The following GALNT17 variants were observed in gnomAD, a reference collection of about 807,000 sequenced individuals.
GALNT17 encodes UDP-GalNAc:polypeptide N-acetylgalactosaminyltransferase-like 3.
Under a neutral mutation model 63.7 loss-of-function variants are expected in GALNT17, and 29 were observed. The observed-to-expected ratio is 0.46, with a 90% confidence interval of 0.34 to 0.62. The LOEUF (loss-of-function observed/expected upper bound fraction) is 0.62. GALNT17 is among the 20% of genes least tolerant of loss of function. GALNT17 has a pLI of 0.01. For synonymous variants in GALNT17, 305 were observed against 318.3 expected, an observed-to-expected ratio of 0.96 and a Z score of 0.45; for missense variants, 603 against 799.6, an observed-to-expected ratio of 0.75 and a Z score of 2.97.
chr7:71,267,267 T>G (rs1439227849), intron 1 of GALNT17, among the ~76,000 whole-genome samples: 1 of 152,236 alleles, frequency 6.6e-6, no homozygotes, highest in East Asian at 1.9e-4. Flanking sequence ...GCTGCGCAAT[T>G]GGCTATTGCC....
At chr7:71,194,391 A>T (rs1351512159) in intron 1 of GALNT17, among the ~76,000 whole-genome samples, 1 of 152,132 alleles carries the variant, frequency 6.6e-6, no homozygotes, top group African/African-American at 2.4e-5. Flanking sequence ...CCTACCTGGG[A>T]AAAGGGTATA....
intron 2 of GALNT17, among the ~76,000 whole-genome samples, chr7:71,363,630 CA>C (rs1163658017): frequency 6.6e-6 from 1 of 152,202 alleles, no homozygotes; most frequent in African/African-American, 2.4e-5. Context: ...TCCCTTCCAG[CA>C]GTTAAGTAAC....
intron 2 of GALNT17, among the ~76,000 whole-genome samples, chr7:71,344,650 G>A (rs190787533): frequency 3.1e-4 from 47 of 152,230 alleles, no homozygotes; most frequent in Non-Finnish European, 5.9e-4. Flanking sequence ...ATTAAGTCAT[G>A]GTTACCAACG....
intron 2 of GALNT17, among the ~76,000 whole-genome samples, chr7:71,349,416 AC>A (rs1422166446): frequency 6.6e-6 from 1 of 152,156 alleles, no homozygotes; most frequent in Non-Finnish European, 1.5e-5. Context: ...AATTCCGATC[AC>A]CCAACAGAAC....
At chr7:71,425,491 G>A (rs1265499815) in intron 5 of GALNT17, among the ~76,000 whole-genome samples, 15 of 152,192 alleles carry the variant, frequency 9.9e-5, no homozygotes, top group African/African-American at 3.4e-4. Context: ...CAAAGTGCTA[G>A]GATTACAGGC....
intron 1 of GALNT17, among the ~76,000 whole-genome samples, chr7:71,221,777 T>G (rs1353899988): frequency 6.6e-6 from 1 of 152,174 alleles, no homozygotes; most frequent in East Asian, 1.9e-4. Context: ...GTTTTAGACT[T>G]GCAGGAAAGT....
At chr7:71,253,602 A>T (rs1790239714) in intron 1 of GALNT17, among the ~76,000 whole-genome samples, 2 of 151,530 alleles carry the variant, frequency 1.3e-5, no homozygotes, top group South Asian at 4.2e-4. Flanking sequence ...CTTTGGAAAA[A>T]CCATGAATCA....
At chr7:71,358,197 C>T (rs1034275638) in intron 2 of GALNT17, among the ~76,000 whole-genome samples, 2 of 152,104 alleles carry the variant, frequency 1.3e-5, no homozygotes, top group Non-Finnish European at 2.9e-5. Flanking sequence ...AGCCCACAGG[C>T]GGGAACCAAC....
chr7:71,360,748 C>A (rs112077232), intron 2 of GALNT17, among the ~76,000 whole-genome samples: 2,970 of 152,152 alleles, frequency 0.02, 78 homozygotes, highest in African/African-American at 0.068. Flanking sequence ...GCCTGGCCAA[C>A]GTGGCAAAAC....
chr7:71,472,609 C>T (rs1787651253), intron 5 of GALNT17, among the ~76,000 whole-genome samples: 1 of 152,158 alleles, frequency 6.6e-6, no homozygotes, highest in Non-Finnish European at 1.5e-5. Flanking sequence ...TTGCTGGAAC[C>T]CAGGAGGCAG....
At chr7:71,632,517 C>G (rs1790466851) in intron 6 of GALNT17, among the ~76,000 whole-genome samples, 1 of 152,144 alleles carries the variant, frequency 6.6e-6, no homozygotes, top group Non-Finnish European at 1.5e-5. Context: ...TATCTACGAC[C>G]AAGCTCAAAA....
chr7:71,137,480 C>T (rs1787808557), intron 1 of GALNT17, among the ~76,000 whole-genome samples: 2 of 152,240 alleles, frequency 1.3e-5, no homozygotes, highest in South Asian at 4.1e-4. Flanking sequence ...CAGCACACCA[C>T]AGCCCCTTGC....
chr7:71,502,579 T>G (rs1006568593), intron 5 of GALNT17, among the ~76,000 whole-genome samples: 4 of 152,150 alleles, frequency 2.6e-5, no homozygotes, highest in African/African-American at 9.7e-5. Flanking sequence ...AAAGCCACCA[T>G]GCTGGGAAGA....
chr7:71,265,746 C>T (rs530627258), intron 1 of GALNT17, among the ~76,000 whole-genome samples: 6 of 152,106 alleles, frequency 3.9e-5, no homozygotes, highest in South Asian at 2.1e-4. Context: ...TGGGTGGAGG[C>T]GTGGTGGGAG....
At chr7:71,592,566 A>AAATAAAATAC (rs1344538385) in intron 6 of GALNT17, among the ~76,000 whole-genome samples, 1 of 75,700 alleles carries the variant, frequency 1.3e-5, no homozygotes, top group Non-Finnish European at 2.9e-5. Context: ...TAGCATACTA[A>AAATAAAATAC]AATAAAATAA....
chr7:71,259,493 A>C (rs1220364632), intron 1 of GALNT17, among the ~76,000 whole-genome samples: 1 of 152,146 alleles, frequency 6.6e-6, no homozygotes, highest in Non-Finnish European at 1.5e-5. Context: ...TTGGAAACGA[A>C]GCACTGGTCC....
At chr7:71,679,422 CTTCA>C (rs908032576) in intron 9 of GALNT17, among the ~76,000 whole-genome samples, 4 of 152,186 alleles carry the variant, frequency 2.6e-5, no homozygotes, top group South Asian at 2.1e-4. Flanking sequence ...AAGTGCACGT[CTTCA>C]TTCATTCATT....
intron 1 of GALNT17, among the ~76,000 whole-genome samples, chr7:71,206,932 C>T (rs186559744): frequency 1.9e-4 from 29 of 152,158 alleles, no homozygotes; most frequent in Non-Finnish European, 3.4e-4. Context: ...AGTGAAACCC[C>T]GTCTTTACTA....
At chr7:71,571,454 G>A (rs768683450) in intron 6 of GALNT17, 52 bp downstream of exon 6, 1 of 1,480,530 alleles carries the variant, frequency 6.8e-7, no homozygotes, top group Non-Finnish European at 9.4e-7. Flanking sequence ...TGTGAGCAGA[G>A]CGTCTTGGTC....
Sources: gnomAD v4.1 joint callset for allele counts (sites outside exome capture counted in the v4.1 genomes callset) on GRCh38, gnomAD v4.1.1 for gene constraint, MANE v1.5 for transcripts, NCBI Gene and HGNC (gene_info 2026-07-23, HGNC 2026-07-21) for gene names.